ZNF277: variants seen among roughly 807,000 people sequenced by gnomAD.
The protein encoded by ZNF277 is zinc finger protein 277.
In ZNF277, 55 loss-of-function variants were observed where a neutral mutation model predicts 60.7. The observed-to-expected ratio is 0.91, with a 90% confidence interval of 0.73 to 1.13. ZNF277 has a LOEUF of 1.13. ZNF277 is among the 50% of genes most tolerant of loss of function. The pLI is 0.00. For missense variants in ZNF277, 510 were observed against 523.0 expected (o/e 0.98, Z 0.24); for synonymous variants, 178 against 179.3 (o/e 0.99, Z 0.06).
intron 1 of ZNF277, among the ~76,000 whole-genome samples, chr7:112,230,637 G>T (rs1472419151): frequency 6.6e-6 from 1 of 152,122 alleles, no homozygotes; most frequent in Non-Finnish European, 1.5e-5. Flanking sequence ...GACTTTGTGT[G>T]GAAATCTGCA....
intron 1 of ZNF277, among the ~76,000 whole-genome samples, chr7:112,250,433 A>G (rs1488194085): frequency 6.6e-6 from 1 of 152,146 alleles, no homozygotes; most frequent in Non-Finnish European, 1.5e-5. Flanking sequence ...CTTGTAAAGT[A>G]CTTGATGTCT....
intron 1 of ZNF277, among the ~76,000 whole-genome samples, chr7:112,280,166 A>C (rs571136933): frequency 6.6e-6 from 1 of 152,138 alleles, no homozygotes; most frequent in Non-Finnish European, 1.5e-5. Context: ...CCTCTTGTCA[A>C]TTATGCTCAT....
intron 1 of ZNF277, among the ~76,000 whole-genome samples, chr7:112,214,093 C>T (rs1821821208): frequency 6.6e-6 from 1 of 152,276 alleles, no homozygotes; most frequent in East Asian, 1.9e-4. Flanking sequence ...GGGTCAGATA[C>T]CGAATTACAT....
At chr7:112,277,896 G>C (rs888669840) in intron 1 of ZNF277, among the ~76,000 whole-genome samples, 14 of 152,188 alleles carry the variant, frequency 9.2e-5, no homozygotes, top group Non-Finnish European at 2.1e-4. Context: ...TAAAACATAT[G>C]TTTGACTAAA....
chr7:112,307,534 C>G (rs1327334326), intron 4 of ZNF277, among the ~76,000 whole-genome samples: 1 of 152,028 alleles, frequency 6.6e-6, no homozygotes, highest in Non-Finnish European at 1.5e-5. Flanking sequence ...CCCTCCTTAG[C>G]CTACTGACTG....
intron 1 of ZNF277, among the ~76,000 whole-genome samples, chr7:112,211,793 C>A (rs1395824659): frequency 3.9e-5 from 6 of 152,196 alleles, no homozygotes; most frequent in Admixed American, 3.9e-4. Context: ...TACCATGTCA[C>A]ACTGTAGTTA....
intron 1 of ZNF277, among the ~76,000 whole-genome samples, chr7:112,277,418 C>A (rs1183971482): frequency 1.3e-5 from 2 of 152,034 alleles, no homozygotes; most frequent in Non-Finnish European, 2.9e-5. Context: ...GACTTTCTTC[C>A]CAGAAAAAAT....
chr7:112,287,819 A>T (rs1792108938), intron 2 of ZNF277: 1 of 152,178 alleles, frequency 6.6e-6, no homozygotes, highest in Non-Finnish European at 1.5e-5. Flanking sequence ...GAGCCACTGC[A>T]CCCAGCCAAC....
chr7:112,216,603 G>A lies in ZNF277; in HGVS notation c.91+9796G>A, dbSNP rs117121365. Among the ~76,000 whole-genome samples the A allele has an allele frequency of 3.6e-3, 541 of 152,242 alleles. 1 individual carries two copies. Among genetic ancestry groups the A allele is most frequent in the Admixed American group, 6.2e-3 (95 of 15,290 alleles). ...GGATTTTAATCCCACTTCTCCTTCC[G>A]ACTGACTGTGATTTTAGAGAAGTCA... On this transcript the variant is annotated intron_variant, in intron 1 of 11. Transcript: ENST00000361822.
At position 112,206,808 on chromosome 7, in the gene ZNF277, G is replaced by A. The variant is rs767142264; in HGVS notation, c.91+1G>A. On this transcript the variant is annotated splice_donor_variant, in intron 1 of 11. Coordinates refer to ENST00000361822, the MANE Select transcript of ZNF277 (RefSeq NM_021994.3). LOFTEE classifies it high-confidence loss of function. ...ACAGTCGGGGGTGTAGGTTATGGGG[G>A]TGAGTACGGTGCCCCGGAGGCGCGG... is the stretch of plus-strand genomic sequence containing the variant. The A allele has an allele frequency of 1.2e-6, 2 of 1,612,830 alleles. No homozygotes were observed. Among genetic ancestry groups the A allele is most frequent in the East Asian group, 2.2e-5 (1 of 44,750 alleles).
At chr7:112,341,717 C>G (rs942354936) in intron 11 of ZNF277, among the ~76,000 whole-genome samples, 24 of 152,194 alleles carry the variant, frequency 1.6e-4, no homozygotes, top group African/African-American at 5.5e-4. Context: ...TGGACTGGTT[C>G]TCACATCGTT....
intron 1 of ZNF277, among the ~76,000 whole-genome samples, chr7:112,242,470 C>T (rs527288981): frequency 5.4e-5 from 8 of 148,646 alleles, no homozygotes; most frequent in Non-Finnish European, 7.4e-5. Context: ...TGTTAAGTAA[C>T]GTACAAAAAT....
chr7:112,277,147 G>A (rs1032499911), intron 1 of ZNF277, among the ~76,000 whole-genome samples: 31 of 138,146 alleles, frequency 2.2e-4, no homozygotes, highest in Non-Finnish European at 2.3e-4. Flanking sequence ...GCAGTGGCAC[G>A]ATCTCGGCTC....
At chr7:112,334,304 T>C (rs910074022) in intron 7 of ZNF277, among the ~76,000 whole-genome samples, 1 of 152,096 alleles carries the variant, frequency 6.6e-6, no homozygotes, top group African/African-American at 2.4e-5. Context: ...TCTGAACATC[T>C]TTAGTGATAT....
intron 1 of ZNF277, among the ~76,000 whole-genome samples, chr7:112,273,487 C>T (rs1282057483): frequency 6.6e-6 from 1 of 152,190 alleles, no homozygotes; most frequent in Non-Finnish European, 1.5e-5. Context: ...TTCAGTGCCT[C>T]TTTCAGGGAT....
intron 1 of ZNF277, among the ~76,000 whole-genome samples, chr7:112,218,751 G>A (rs181654809): frequency 2.0e-5 from 3 of 152,116 alleles, no homozygotes; most frequent in East Asian, 1.9e-4. Context: ...ATTTAACTTC[G>A]CATTCTCCAG....
At chr7:112,308,848 C>G (rs1053955417) in intron 4 of ZNF277, among the ~76,000 whole-genome samples, 1 of 151,780 alleles carries the variant, frequency 6.6e-6, no homozygotes, top group Admixed American at 6.6e-5. Flanking sequence ...AAATGAAGAC[C>G]CAAAGAAATG....
chr7:112,341,900 C>T (rs1310820544), intron 11 of ZNF277, among the ~76,000 whole-genome samples: 16 of 152,240 alleles, frequency 1.1e-4, no homozygotes, highest in Non-Finnish European at 1.5e-5. Context: ...TTTTTATGAT[C>T]CTTCTTATAT....
At chr7:112,248,683 T>A (rs1383459206) in intron 1 of ZNF277, among the ~76,000 whole-genome samples, 2 of 152,158 alleles carry the variant, frequency 1.3e-5, no homozygotes, top group African/African-American at 4.8e-5. Context: ...TGTTTATATG[T>A]GTATATATGC....
Sources: allele counts gnomAD v4.1 joint callset (sites outside exome capture counted in the v4.1 genomes callset), GRCh38; gene constraint gnomAD v4.1.1; transcripts MANE v1.5; gene names NCBI Gene and HGNC (gene_info 2026-07-23, HGNC 2026-07-21).